The following CHRNA7 variants were observed in gnomAD, a reference collection of about 807,000 sequenced individuals.
CHRNA7 encodes the protein neuronal acetylcholine receptor subunit alpha-7.
In CHRNA7, 17 loss-of-function variants were observed where a neutral mutation model predicts 48.0. The observed-to-expected ratio is 0.35, with a 90% CI of 0.24 to 0.53. The LOEUF (loss-of-function observed/expected upper bound fraction) is 0.53. Ranked by LOEUF, CHRNA7 falls within the 20% of genes least tolerant of loss-of-function variation. The probability of loss-of-function intolerance (pLI) is 0.92; values close to 1 mark genes in which losing one functional copy is unlikely to be tolerated. For synonymous variants in CHRNA7, 75 were observed against 242.3 expected (o/e 0.31, Z 6.41); for missense variants, 155 against 577.7 (o/e 0.27, Z 7.50).
At chr15:32,044,085 CTT>C (rs1338437857) in intron 2 of CHRNA7, among the ~76,000 whole-genome samples, 5 of 152,230 alleles carry the variant, frequency 3.3e-5, no homozygotes, top group Non-Finnish European at 5.9e-5. Context: ...TCTTTGGTCA[CTT>C]TTAAATTTTA....
chr15:32,065,850 G>C (rs1162676372), intron 2 of CHRNA7, among the ~76,000 whole-genome samples: 1 of 151,284 alleles, frequency 6.6e-6, no homozygotes, highest in Admixed American at 6.6e-5. Flanking sequence ...CAAACACTGG[G>C]GACAGAGCTG....
chr15:32,113,143 A>G (rs552774464), intron 4 of CHRNA7, among the ~76,000 whole-genome samples: 19 of 152,252 alleles, frequency 1.2e-4, no homozygotes, highest in African/African-American at 4.6e-4. Context: ...ACCCTGTCAC[A>G]ATTGTGGAGG....
chr15:32,033,233 C>G (rs562044654), intron 2 of CHRNA7, among the ~76,000 whole-genome samples: 2 of 152,176 alleles, frequency 1.3e-5, no homozygotes, highest in Admixed American at 1.3e-4. Context: ...TCTGTTTTCT[C>G]ATGTGTTAAA....
chr15:32,065,515 A>G (rs924700176), intron 2 of CHRNA7, among the ~76,000 whole-genome samples: 3 of 152,254 alleles, frequency 2.0e-5, no homozygotes, highest in Non-Finnish European at 4.4e-5. Context: ...TCAACTGAGG[A>G]AGATAATAAG....
At chr15:32,080,245 G>T (rs1409856293) in intron 2 of CHRNA7, among the ~76,000 whole-genome samples, 1 of 152,162 alleles carries the variant, frequency 6.6e-6, no homozygotes, top group Admixed American at 6.6e-5. Flanking sequence ...CATGGGCAAA[G>T]ATTTCATGTT....
chr15:32,101,317 A>G lies in CHRNA7; in HGVS notation c.210A>G (p.Gln70=). 1 of 1,589,296 alleles carries G rather than the reference A, an allele frequency of 6.3e-7. No individual in the cohort carries two copies. The highest frequency in any genetic ancestry group is 8.5e-7 in the Non-Finnish European group (1 of 1,172,030). Reference sequence around the variant, plus strand: ...TTTTTTTGAAGGATGAGAAGAACCAAGTTTTAACCACCAACATTTGGCTGC... The same window carrying G: ...TTTTTTTGAAGGATGAGAAGAACCAGGTTTTAACCACCAACATTTGGCTGC... ...LQIMDVDEKN[Q]VLTTNIWLQM... The change falls in exon 3 of 10, where the codon CAA becomes CAG. Residue 70 remains glutamine, a synonymous_variant. Coordinates refer to ENST00000306901, the MANE Select transcript of CHRNA7 (RefSeq NM_000746.6).
At chr15:32,086,228 G>A (rs1462243578) in intron 2 of CHRNA7, among the ~76,000 whole-genome samples, 2 of 151,750 alleles carry the variant, frequency 1.3e-5, no homozygotes, top group East Asian at 3.9e-4. Context: ...AATTAGCTGG[G>A]CCTGGTGGCA....
chr15:32,030,970 C>A lies in CHRNA7; in HGVS notation c.128C>A (p.Pro43His). The A allele has an allele frequency of 6.2e-7, 1 of 1,614,226 alleles. No individual in the cohort carries two copies. The highest frequency in any genetic ancestry group is 8.5e-7 in the Non-Finnish European group (1 of 1,180,028). The change falls in exon 2 of 10, where the codon CCC (proline) becomes CAC (histidine). Residue 43 changes from proline to histidine, a missense_variant. Pro to His is a moderately conservative substitution (Grantham distance 77). Transcript: ENST00000306901. ...LVKNYNPLER[P>H]VANDSQPLTV... ...AAGAACTACAATCCCTTGGAGAGGC[C>A]CGTGGCCAATGACTCGCAACCACTC...
chr15:32,115,567 G>A (rs1167299422), intron 4 of CHRNA7, among the ~76,000 whole-genome samples: 2 of 152,000 alleles, frequency 1.3e-5, no homozygotes, highest in Admixed American at 6.6e-5. Context: ...AATGCTTCCA[G>A]GCAGAGTGTT....
At chr15:32,063,218 A>C (rs529250743) in intron 2 of CHRNA7, among the ~76,000 whole-genome samples, 1 of 151,904 alleles carries the variant, frequency 6.6e-6, no homozygotes, top group South Asian at 2.1e-4. Flanking sequence ...AACACTGTAC[A>C]CTTAGACTAC....
intron 4 of CHRNA7, among the ~76,000 whole-genome samples, chr15:32,138,352 T>A (rs1412553873): frequency 6.6e-6 from 1 of 152,100 alleles, no homozygotes; most frequent in African/African-American, 2.4e-5. Context: ...AAAAAGGGAA[T>A]AGACTAGCAA....
At chr15:32,143,562 G>C (rs527649038) in intron 4 of CHRNA7, among the ~76,000 whole-genome samples, 1 of 152,258 alleles carries the variant, frequency 6.6e-6, no homozygotes, top group African/African-American at 2.4e-5. Flanking sequence ...AAGTCTCTTT[G>C]TAGGTCTCTA....
chr15:32,095,817 C>T (rs1476670692), intron 2 of CHRNA7, among the ~76,000 whole-genome samples: 2 of 152,240 alleles, frequency 1.3e-5, no homozygotes, highest in Non-Finnish European at 2.9e-5. Context: ...GAATTATTTT[C>T]CGTGATCGTA....
chr15:32,070,005 G>A (rs921240132), intron 2 of CHRNA7, among the ~76,000 whole-genome samples: 1 of 151,864 alleles, frequency 6.6e-6, no homozygotes, highest in African/African-American at 2.4e-5. Flanking sequence ...AATTGATGAA[G>A]CATTTATTGT....
intron 2 of CHRNA7, among the ~76,000 whole-genome samples, chr15:32,061,984 A>T (rs1466982726): frequency 6.6e-6 from 1 of 152,262 alleles, no homozygotes; most frequent in Admixed American, 6.5e-5. Flanking sequence ...GATACTTTTT[A>T]AAATTAACAT....
intron 2 of CHRNA7, among the ~76,000 whole-genome samples, chr15:32,045,464 T>G (rs2049523782): frequency 6.6e-6 from 1 of 152,160 alleles, no homozygotes; most frequent in African/African-American, 2.4e-5. Flanking sequence ...TAAGCGCTGG[T>G]TTGTTTCTGG....
chr15:32,059,795 A>G (rs1402017497), intron 2 of CHRNA7, among the ~76,000 whole-genome samples: 1 of 151,980 alleles, frequency 6.6e-6, no homozygotes, highest in Non-Finnish European at 1.5e-5. Flanking sequence ...ACATACTTAG[A>G]AGCAGCAGAC....
At chr15:32,094,942 C>T (rs2050442594) in intron 2 of CHRNA7, among the ~76,000 whole-genome samples, 1 of 152,242 alleles carries the variant, frequency 6.6e-6, no homozygotes, top group African/African-American at 2.4e-5. Context: ...GCCACCGCAC[C>T]CAGCTCTTAG....
chr15:32,051,106 C>G (rs1452396791), intron 2 of CHRNA7, among the ~76,000 whole-genome samples: 1 of 151,558 alleles, frequency 6.6e-6, no homozygotes, highest in Non-Finnish European at 1.5e-5. Flanking sequence ...GGTCAGGGAC[C>G]CACTTGAGGA....
Sources: gnomAD v4.1 joint callset for allele counts (sites outside exome capture counted in the v4.1 genomes callset) on GRCh38, gnomAD v4.1.1 for gene constraint, MANE v1.5 for transcripts, NCBI Gene and HGNC (gene_info 2026-07-23, HGNC 2026-07-21) for gene names.